Variants in RAP1B observed in about 807,000 individuals in gnomAD.
RAP1B encodes the protein RAP1B, member of RAS oncogene family.
Under a neutral mutation model 27.5 loss-of-function variants are expected in RAP1B, and 1 was observed. The observed-to-expected ratio is 0.04, with a 90% CI of 0.01 to 0.17. RAP1B has a LOEUF of 0.17. RAP1B is among the 10% of genes least tolerant of loss of function. The pLI is 1.00. For missense variants in RAP1B, 84 were observed against 214.8 expected, an observed-to-expected ratio of 0.39 and a Z score of 3.81; for synonymous variants, 75 against 73.1, an observed-to-expected ratio of 1.03 and a Z score of -0.13.
At chr12:68,632,075 A>G (rs960112348) in intron 1 of RAP1B, among the ~76,000 whole-genome samples, 1 of 150,380 alleles carries the variant, frequency 6.6e-6, no homozygotes, top group Non-Finnish European at 1.5e-5. Flanking sequence ...TTCTTTTTAA[A>G]GAATAAACAC....
chr12:68,647,964 A>G (rs1274495012), intron 1 of RAP1B: 1 of 152,058 alleles, frequency 6.6e-6, no homozygotes, highest in Non-Finnish European at 1.5e-5. Flanking sequence ...CCTTTGTACC[A>G]CTTTACTGAC....
intron 1 of RAP1B, among the ~76,000 whole-genome samples, chr12:68,631,581 G>A (rs1252335990): frequency 6.6e-6 from 1 of 152,120 alleles, no homozygotes; most frequent in Non-Finnish European, 1.5e-5. Flanking sequence ...TTTGTGCCCT[G>A]TGAGCCAGTC....
intron 1 of RAP1B, among the ~76,000 whole-genome samples, chr12:68,636,747 C>G (rs1872656644): frequency 6.6e-6 from 1 of 151,778 alleles, no homozygotes; most frequent in Admixed American, 6.6e-5. Context: ...GACGGAGTCT[C>G]TGTTCAAGCA....
At chr12:68,616,017 G>T (rs753498785) in intron 1 of RAP1B, among the ~76,000 whole-genome samples, 7 of 151,674 alleles carry the variant, frequency 4.6e-5, no homozygotes, top group Non-Finnish European at 7.4e-5. Flanking sequence ...AGGCTGGAGT[G>T]CAGTGGCACG....
chr12:68,667,052 C>T lies in RAP1B; in HGVS notation c.*7803C>T, dbSNP rs886592164. The T allele has an allele frequency of 2.6e-5, 4 of 152,172 alleles. No homozygotes were observed. Among genetic ancestry groups the T allele is most frequent in the Non-Finnish European group, 4.4e-5 (3 of 68,030 alleles). The allele number at this position is 152,172 out of a possible 1,614,324, so 9.4% of individuals were successfully genotyped here. On this transcript the variant is annotated 3_prime_UTR_variant, in exon 8 of 8. Transcript: ENST00000250559. ...CCTTCTACTTGTGTCAGTATATATC[C>T]TGCCTACCCTACATATTTTATATTT...
intron 1 of RAP1B, among the ~76,000 whole-genome samples, chr12:68,629,579 A>T (rs911390045): frequency 3.9e-5 from 6 of 152,282 alleles, no homozygotes; most frequent in African/African-American, 1.2e-4. Flanking sequence ...TATTTTACCC[A>T]AGCTGTCCTT....
intron 1 of RAP1B, among the ~76,000 whole-genome samples, chr12:68,618,013 T>C (rs1208788420): frequency 7.1e-6 from 1 of 141,820 alleles, no homozygotes; most frequent in Non-Finnish European, 1.5e-5. Context: ...TCTGCCCGCC[T>C]CCACCTCCCA....
rs1380523815 is a variant in RAP1B at position 68,668,931 on chromosome 12, A to G, written c.*9682A>G. ...TACATGTGTTGTTCAACCCTCAGCA[A>G]TGCTATGAAATAGGGGCTGAGTCTC... On this transcript the variant is annotated 3_prime_UTR_variant, in exon 8 of 8. Coordinates refer to ENST00000250559, the MANE Select transcript of RAP1B (RefSeq NM_001010942.3). The G allele has an allele frequency of 1.3e-5, 2 of 152,230 alleles. No homozygotes were observed. Among genetic ancestry groups the G allele is most frequent in the African/African-American group, 4.8e-5 (2 of 41,452 alleles). The allele number at this position is 152,230 out of a possible 1,614,324, so 9.4% of individuals were successfully genotyped here.
chr12:68,627,618 A>G (rs2080610615), intron 1 of RAP1B, among the ~76,000 whole-genome samples: 1 of 152,102 alleles, frequency 6.6e-6, no homozygotes, highest in Non-Finnish European at 1.5e-5. Context: ...GTAGCTCCTT[A>G]CTTCACGTCA....
intron 1 of RAP1B, among the ~76,000 whole-genome samples, chr12:68,624,130 G>A (rs1173870947): frequency 6.6e-6 from 1 of 152,044 alleles, no homozygotes; most frequent in Non-Finnish European, 1.5e-5. Flanking sequence ...ATGTTACTTT[G>A]AAGCAATTAG....
chr12:68,627,342 A>G, intron 1 of RAP1B: 3 of 738,216 alleles, frequency 4.1e-6, no homozygotes, highest in South Asian at 1.4e-5. Context: ...CCCCCCCATG[A>G]GGAAAGGAAC....
rs1271948902 is a variant in RAP1B at position 68,664,263 on chromosome 12, CATT to C, written c.*5019_*5021del. 1 of 152,154 alleles carries C rather than the reference CATT, an allele frequency of 6.6e-6. No homozygotes were observed. Among genetic ancestry groups the C allele is most frequent in the Non-Finnish European group, 1.5e-5 (1 of 68,030 alleles). The allele number at this position is 152,154 out of a possible 1,614,324, so 9.4% of individuals were successfully genotyped here. ...AGCCTCTAATGTTTTTGTCATCCGC[CATT>C]ATTACCCATTCAAATTTCTATTTAT... On this transcript the variant is annotated 3_prime_UTR_variant, in exon 8 of 8. Coordinates refer to ENST00000250559, the MANE Select transcript of RAP1B (RefSeq NM_001010942.3).
intron 1 of RAP1B, among the ~76,000 whole-genome samples, chr12:68,636,963 T>C (rs1429986185): frequency 6.6e-6 from 1 of 152,052 alleles, no homozygotes; most frequent in African/African-American, 2.4e-5. Context: ...CTGTCCCTAC[T>C]TTTTTTAATG....
At chr12:68,634,981 T>G (rs887660380) in intron 1 of RAP1B, among the ~76,000 whole-genome samples, 20 of 152,328 alleles carry the variant, frequency 1.3e-4, no homozygotes, top group Admixed American at 5.2e-4. Flanking sequence ...TATACACAGT[T>G]TGATAATCTA....
intron 1 of RAP1B, among the ~76,000 whole-genome samples, chr12:68,638,190 T>G (rs1366873349): frequency 1.3e-5 from 2 of 152,226 alleles, no homozygotes. Context: ...GATTTTTTCC[T>G]TGGTAGTCAC....
At chr12:68,614,161 G>GT (rs914357921) in intron 1 of RAP1B, among the ~76,000 whole-genome samples, 18 of 151,944 alleles carry the variant, frequency 1.2e-4, no homozygotes, top group South Asian at 2.1e-4. Context: ...TCACGTTCAG[G>GT]TTTTTTTTGC....
chr12:68,650,729 C>T (rs1873753877), intron 3 of RAP1B: 1 of 211,432 alleles, frequency 4.7e-6, no homozygotes, highest in Non-Finnish European at 9.3e-6. Flanking sequence ...GTAGTAGCCC[C>T]ATGTTACTTT....
chr12:68,653,941 G>A (rs1874009276), intron 4 of RAP1B, among the ~76,000 whole-genome samples, 171 bp from the exon 5 acceptor site: 1 of 150,906 alleles, frequency 6.6e-6, no homozygotes, highest in Admixed American at 6.6e-5. Context: ...AAAAAAAAAA[G>A]AAACTAAAAT....
At chr12:68,626,728 A>C in intron 1 of RAP1B, 1 of 699,604 alleles carries the variant, frequency 1.4e-6, no homozygotes, top group Non-Finnish European at 2.3e-6. Flanking sequence ...GGTCTCGGGT[A>C]AAGGTCTTAA....
Sources: allele counts gnomAD v4.1 joint callset (sites outside exome capture counted in the v4.1 genomes callset), GRCh38; gene constraint gnomAD v4.1.1; transcripts MANE v1.5; gene names NCBI Gene and HGNC (gene_info 2026-07-23, HGNC 2026-07-21).